TLN2: variants seen among roughly 807,000 people sequenced by gnomAD.
The protein encoded by TLN2 is talin 2, also known as talin-2.
TLN2 carries 118 observed loss-of-function variants against 294.7 expected under a neutral mutation model. The ratio of observed to expected loss-of-function variants is 0.40; its 90% CI spans 0.34 to 0.47. The LOEUF is 0.47. TLN2 is among the 20% of genes least tolerant of loss of function. The pLI is 0.84. For synonymous variants in TLN2, 1,431 were observed against 1,304.5 expected (o/e 1.10, Z -2.09); for missense variants, 3,083 against 3,282.2 (o/e 0.94, Z 1.48).
At chr15:62,794,108 A>G (rs1296877198) in intron 46 of TLN2, among the ~76,000 whole-genome samples, 1 of 152,154 alleles carries the variant, frequency 6.6e-6, no homozygotes, top group Non-Finnish European at 1.5e-5. Flanking sequence ...AGCACCAGGA[A>G]GGGAGGAGAG....
intron 1 of TLN2, among the ~76,000 whole-genome samples, chr15:62,542,837 C>G (rs181321792): frequency 2.6e-5 from 4 of 151,898 alleles, no homozygotes; most frequent in Non-Finnish European, 4.4e-5. Context: ...TACGAATGAA[C>G]GCCACATCAA....
rs367704300 is a variant in TLN2 at position 62,720,938 on chromosome 15, T to C, written c.2991+1058T>C. On this transcript the variant is annotated intron_variant, in intron 25 of 58. Coordinates refer to ENST00000636159, the MANE Select transcript of TLN2 (RefSeq NM_015059.3). ...CAGCTTATTTTTATCTTTAGGACTTTGCAGATTATGACTTGGACAAGGCAT... is the reference window on the plus strand; with the variant it reads ...CAGCTTATTTTTATCTTTAGGACTTCGCAGATTATGACTTGGACAAGGCAT... Among the ~76,000 whole-genome samples the C allele has an allele frequency of 4.5e-4, 69 of 152,302 alleles. No homozygotes were observed. The East Asian group carries it at 0.013, about 28-fold the overall frequency.
rs1210628327 is a variant in TLN2, at chr15:62,799,450, C to T, written c.6235-918C>T. 3.3e-5 allele frequency among the ~76,000 whole-genome samples: 5 copies of T among 152,230 alleles called. No homozygotes were observed. In the South Asian group the frequency reaches 8.3e-4, roughly 25 times the overall value. On this transcript the variant is annotated intron_variant, in intron 48 of 58. Transcript: ENST00000636159. ...GACCTGGTACTTTTCACTCTAAATCCGGCACTTTGAAAAGATGATCTGTGG... is the reference window on the plus strand; with the variant it reads ...GACCTGGTACTTTTCACTCTAAATCTGGCACTTTGAAAAGATGATCTGTGG...
In TLN2 at chr15:62,720,067, T is replaced by G. The variant is rs927872965; in HGVS notation, c.2991+187T>G. ...GGTTCAGCTTGGCAAAGCAAAATGCTGATATGCAGGGAAATTGCCCTGTGG... is the reference window on the plus strand; with the variant it reads ...GGTTCAGCTTGGCAAAGCAAAATGCGGATATGCAGGGAAATTGCCCTGTGG... On this transcript the variant is annotated intron_variant, in intron 25 of 58. Transcript: ENST00000636159. Among the ~76,000 whole-genome samples, 9 of 152,392 alleles carry G rather than the reference T, an allele frequency of 5.9e-5. No individual in the cohort carries two copies. In the East Asian group the frequency reaches 1.7e-3, roughly 29 times the overall value.
At chr15:62,772,431 G>A (rs1334448941) in intron 42 of TLN2, among the ~76,000 whole-genome samples, 1 of 152,108 alleles carries the variant, frequency 6.6e-6, no homozygotes, top group Non-Finnish European at 1.5e-5. Flanking sequence ...AGAAAAAAAA[G>A]AATACTCTTT....
intron 1 of TLN2, among the ~76,000 whole-genome samples, chr15:62,471,554 C>T: frequency 6.6e-6 from 1 of 152,188 alleles, no homozygotes; most frequent in South Asian, 2.1e-4. Context: ...AAGTCCCCTC[C>T]ACTGGCCCCT....
intron 1 of TLN2, among the ~76,000 whole-genome samples, chr15:62,491,055 C>G (rs1242488648): frequency 6.6e-6 from 1 of 152,168 alleles, no homozygotes; most frequent in African/African-American, 2.4e-5. Flanking sequence ...GGCGTGGTGG[C>G]TCACGCCTGT....
chr15:62,668,357 A>G (rs150541108), intron 9 of TLN2, among the ~76,000 whole-genome samples: 4 of 152,190 alleles, frequency 2.6e-5, no homozygotes, highest in Admixed American at 2.0e-4. Flanking sequence ...TAAAATAACA[A>G]AATTGCAACT....
intron 42 of TLN2, among the ~76,000 whole-genome samples, chr15:62,775,107 C>A (rs1382748060): frequency 6.6e-6 from 1 of 152,014 alleles, no homozygotes; most frequent in Non-Finnish European, 1.5e-5. Context: ...CAGGCGCCCG[C>A]CACCACACCT....
At chr15:62,625,430 C>G in intron 3 of TLN2, among the ~76,000 whole-genome samples, 2 of 152,178 alleles carry the variant, frequency 1.3e-5, no homozygotes, top group Middle Eastern at 6.8e-3. Context: ...ATTAATTCAT[C>G]CTTGTAATTG....
intron 1 of TLN2, among the ~76,000 whole-genome samples, chr15:62,456,208 G>C (rs924730988): frequency 1.3e-5 from 2 of 152,186 alleles, no homozygotes; most frequent in Non-Finnish European, 2.9e-5. Flanking sequence ...CTCTGAGTCA[G>C]ATCTAAATAT....
intron 1 of TLN2, among the ~76,000 whole-genome samples, chr15:62,473,763 T>TGTAATTA (rs2037623554): frequency 6.6e-6 from 1 of 152,168 alleles, no homozygotes; most frequent in African/African-American, 2.4e-5. Flanking sequence ...TGCATCCCTT[T>TGTAATTA]GTAATTAGGG....
At chr15:62,552,804 A>G (rs1428742729) in intron 1 of TLN2, among the ~76,000 whole-genome samples, 1 of 152,258 alleles carries the variant, frequency 6.6e-6, no homozygotes, top group East Asian at 1.9e-4. Flanking sequence ...TGATTGGCTA[A>G]CAAAAATTTT....
intron 1 of TLN2, among the ~76,000 whole-genome samples, chr15:62,395,649 G>C (rs1216955377): frequency 6.6e-6 from 1 of 152,120 alleles, no homozygotes; most frequent in African/African-American, 2.4e-5. Context: ...GGTGTCTGTT[G>C]TAGGATTTTT....
chr15:62,513,663 A>C (rs1296880399), intron 1 of TLN2, among the ~76,000 whole-genome samples: 1 of 152,196 alleles, frequency 6.6e-6, no homozygotes, highest in African/African-American at 2.4e-5. Context: ...ATGAAAAATG[A>C]GGTGTAACAG....
intron 1 of TLN2, among the ~76,000 whole-genome samples, chr15:62,391,891 T>G (rs931957439): frequency 6.6e-6 from 1 of 152,254 alleles, no homozygotes; most frequent in East Asian, 1.9e-4. Context: ...GCCGGAGCCG[T>G]GCGCTGGGCG....
At chr15:62,640,036 C>T in intron 3 of TLN2, 1 of 403,956 alleles carries the variant, frequency 2.5e-6, no homozygotes. Flanking sequence ...TCTGAATGTT[C>T]AAGGCAAGCT....
intron 11 of TLN2, among the ~76,000 whole-genome samples, chr15:62,675,757 G>A (rs2056111264): frequency 6.6e-6 from 1 of 152,120 alleles, no homozygotes; most frequent in Non-Finnish European, 1.5e-5. Context: ...GGATTTTACG[G>A]CCTTCAGATC....
chr15:62,777,051 C>A, intron 43 of TLN2, 141 bp downstream of exon 43: 2 of 710,344 alleles, frequency 2.8e-6, no homozygotes, highest in East Asian at 3.4e-5. Context: ...GATATCCAGT[C>A]ACATGTCCAA....
Sources: allele counts gnomAD v4.1 joint callset (sites outside exome capture counted in the v4.1 genomes callset), GRCh38; gene constraint gnomAD v4.1.1; transcripts MANE v1.5; gene names NCBI Gene and HGNC (gene_info 2026-07-23, HGNC 2026-07-21).